The following SLC37A3 variants were observed in gnomAD, a reference collection of about 807,000 sequenced individuals.
SLC37A3 encodes solute carrier family 37 member 3, also known as sugar phosphate exchanger 3.
In SLC37A3, 51 loss-of-function variants were observed where a neutral mutation model predicts 67.1. That is an observed-to-expected ratio of 0.76 (90% confidence interval 0.61 to 0.96). SLC37A3 has a LOEUF of 0.96. SLC37A3 is among the 40% of genes least tolerant of loss of function. SLC37A3 has a pLI of 0.00. For missense variants in SLC37A3, 508 were observed against 603.0 expected, an observed-to-expected ratio of 0.84 and a Z score of 1.65; for synonymous variants, 214 against 231.4, an observed-to-expected ratio of 0.92 and a Z score of 0.68.
chr7:140,365,919 C>CTT lies in SLC37A3; in HGVS notation c.292-1430_292-1429dup, dbSNP rs71170981. Among the ~76,000 whole-genome samples the CTT allele has an allele frequency of 3.3e-3, 145 of 43,898 alleles. 52 individuals carry two copies. The highest frequency in any genetic ancestry group is 6.4e-3 in the Admixed American group (16 of 2,508). 28.8% of individuals were successfully genotyped at this position (43,898 alleles called of 152,430 possible). A position where few individuals can be genotyped will look rare whatever the true frequency, so the allele number is the denominator to read the frequency against. ...GCTTCAGATGACAGAACAATACATG[C>CTT]TTTTTTTTTTTTTTTTTTTTTTTTT... On this transcript the variant is annotated intron_variant, in intron 4 of 14. Transcript: ENST00000326232.
At chr7:140,368,903 G>A (rs770084207) in intron 4 of SLC37A3, among the ~76,000 whole-genome samples, 9 of 151,982 alleles carry the variant, frequency 5.9e-5, no homozygotes, top group Non-Finnish European at 1.0e-4. Context: ...TTACTGTTGC[G>A]CTGGACCCAA....
rs767231362 is a variant in SLC37A3, at chr7:140,380,315, A to C, written c.165T>G (p.Ser55Arg). 6.2e-7 allele frequency: 1 copy of C among 1,613,396 alleles called. No individual in the cohort carries two copies. Among genetic ancestry groups the C allele is most frequent in the East Asian group, 2.2e-5 (1 of 44,884 alleles). ...KVSISEQWTP[S>R]AFNTSVELPV... ...GCAGCTCAACTGACGTGTTAAAAGC[A>C]CTTGGGGTCCACTGCTCAGAGATAC... Residue 55 changes from serine (S) to arginine (R), a missense_variant, in exon 3 of 15, where the codon AGT (serine) becomes AGG (arginine). Coordinates refer to ENST00000326232, the MANE Select transcript of SLC37A3 (RefSeq NM_207113.3).
At chr7:140,358,981 C>T (rs1452079931) in intron 5 of SLC37A3, among the ~76,000 whole-genome samples, 196 bp from the exon 6 acceptor site, 1 of 152,066 alleles carries the variant, frequency 6.6e-6, no homozygotes, top group Non-Finnish European at 1.5e-5. Flanking sequence ...CAATCACTGC[C>T]CACCAGAGAG....
At chr7:140,396,123 G>A (rs1343234899) in intron 1 of SLC37A3, among the ~76,000 whole-genome samples, 3 of 151,654 alleles carry the variant, frequency 2.0e-5, no homozygotes, top group Admixed American at 1.3e-4. Context: ...AGGTTTAAGC[G>A]ATCCTCCTGC....
chr7:140,380,181 A>G (rs887135549), intron 3 of SLC37A3, 101 bp downstream of exon 3: 1 of 592,900 alleles, frequency 1.7e-6, no homozygotes. Context: ...GAGCCATTTC[A>G]GAGTCTAGGC....
intron 7 of SLC37A3, among the ~76,000 whole-genome samples, chr7:140,354,802 G>A (rs1449261903): frequency 6.8e-6 from 1 of 147,630 alleles, no homozygotes; most frequent in African/African-American, 2.5e-5. Context: ...GTGCAGTGGT[G>A]TATCTTGGCT....
chr7:140,360,350 A>C (rs12154606), intron 5 of SLC37A3, among the ~76,000 whole-genome samples: 3,906 of 152,200 alleles, frequency 0.026, 85 homozygotes, highest in Non-Finnish European at 0.039. Context: ...AAAAAATAAT[A>C]ATCATAATAA....
rs765636395 is a variant in SLC37A3, at chr7:140,335,499, A to C, written c.1398T>G (p.Ser466Arg). 8.1e-6 allele frequency: 13 copies of C among 1,613,282 alleles called. No individual in the cohort carries two copies. The highest frequency in any genetic ancestry group is 9.3e-6 in the Non-Finnish European group (11 of 1,179,928). Residue 466 changes from serine to arginine, a missense_variant, in exon 15 of 15, where the codon AGT (serine) becomes AGG (arginine). Transcript: ENST00000326232. The part of the protein sequence containing the change: ...WVFYFFILMT[S>R]CTIVFISPLI... Reference sequence around the variant, plus strand: ...ATGGCGAGATAAACACAATTGTACAACTTGTCTGTAAAGAGAAAATAGTAT... The same window carrying C: ...ATGGCGAGATAAACACAATTGTACACCTTGTCTGTAAAGAGAAAATAGTAT...
At chr7:140,382,393 GA>G in intron 2 of SLC37A3, 44 bp downstream of exon 2, 1 of 1,564,192 alleles carries the variant, frequency 6.4e-7, no homozygotes, top group Non-Finnish European at 8.8e-7. Flanking sequence ...TCCCTCAAAA[GA>G]AAAAAGAAAA....
At chr7:140,351,760 T>C (rs143293664) in intron 8 of SLC37A3, 189 of 560,608 alleles carry the variant, frequency 3.4e-4, no homozygotes, top group Non-Finnish European at 5.3e-4. Context: ...TTTCAAGAAG[T>C]GAAATCAGAA....
Position 140,371,827 on chromosome 7 carries a change from G to GA in SLC37A3, c.199-2146dup, listed in dbSNP as rs577870196. ...TCAACTTTATCTAGGGCCAGCAGTGGAAAAGAGATCTGAGTTAGTTTACAG... is the reference window on the plus strand; with the variant it reads ...TCAACTTTATCTAGGGCCAGCAGTGGAAAAAGAGATCTGAGTTAGTTTACAG... On this transcript the variant is annotated intron_variant, in intron 3 of 14. Transcript: ENST00000326232. Among the ~76,000 whole-genome samples, 64 of 151,998 alleles carry GA rather than the reference G, an allele frequency of 4.2e-4. 1 individual carries two copies. Among genetic ancestry groups the GA allele is most frequent in the African/African-American group, 1.4e-3 (59 of 41,512 alleles).
Position 140,337,276 on chromosome 7 carries a change from A to T in SLC37A3, c.1392+8T>A. 6.3e-7 allele frequency: 1 copy of T among 1,584,520 alleles called. No individual in the cohort carries two copies. Among genetic ancestry groups the T allele is most frequent in the Non-Finnish European group, 8.6e-7 (1 of 1,168,242 alleles). On this transcript the variant is annotated splice_region_variant and intron_variant, in intron 14 of 14. Transcript: ENST00000326232. ...GACTTTTTTTTTTTTAAAGGGGCACACACTTACCATGAGAATGAAAAAGTA... is the reference window on the plus strand; with the variant it reads ...GACTTTTTTTTTTTTAAAGGGGCACTCACTTACCATGAGAATGAAAAAGTA...
chr7:140,363,709 A>AAAAAAAAAAAAAAAAAAT (rs1797470838), intron 5 of SLC37A3, among the ~76,000 whole-genome samples: 1 of 61,564 alleles, frequency 1.6e-5, no homozygotes, highest in Non-Finnish European at 3.8e-5. Context: ...AATAAATAAA[A>AAAAAAAAAAAAAAAAAAT]AAATAAAAAA....
In SLC37A3 at chr7:140,345,218, G is replaced by C. The variant is rs150368136; in HGVS notation, c.1172C>G (p.Thr391Arg). 10 of 1,613,432 alleles carry C rather than the reference G, an allele frequency of 6.2e-6. No homozygotes were observed. Among genetic ancestry groups the C allele is most frequent in the Non-Finnish European group, 8.5e-7 (1 of 1,179,484 alleles). Residue 391 changes from threonine (T) to arginine (R), a missense_variant and splice_region_variant, in exon 12 of 15, where the codon ACA (threonine) becomes AGA (arginine). Transcript: ENST00000326232. Reference protein sequence around the residue: ...KSINALLMTVTGFFIGGPSNM... With the variant: ...KSINALLMTVRGFFIGGPSNM... ...TGGAGCAGAGCCATGTGCCGTACCT[G>C]TAACAGTCATCAGAAGGGCATTGAT... is the stretch of plus-strand genomic sequence containing the variant.
At chr7:140,347,247 C>CAAAAAAAAAA (rs554765652) in intron 10 of SLC37A3, among the ~76,000 whole-genome samples, 2 of 71,658 alleles carry the variant, frequency 2.8e-5, no homozygotes, top group African/African-American at 4.9e-5. Context: ...CCCCCATCTC[C>CAAAAAAAAAA]AAAAAAAAAA....
chr7:140,388,322 A>G (rs1798588294), intron 1 of SLC37A3, among the ~76,000 whole-genome samples: 1 of 151,378 alleles, frequency 6.6e-6, no homozygotes, highest in Admixed American at 6.6e-5. Flanking sequence ...AGTCCCAGCT[A>G]CTCAGGAGGC....
chr7:140,348,555 G>T (rs1012362638), intron 10 of SLC37A3, 71 bp downstream of exon 10: 24 of 1,500,302 alleles, frequency 1.6e-5, no homozygotes, highest in Non-Finnish European at 1.9e-5. Context: ...AATGAGGCCA[G>T]ATTTCACAAC....
chr7:140,358,879 G>A (rs1797147073), intron 5 of SLC37A3, 94 bp from the exon 6 acceptor site: 7 of 1,465,232 alleles, frequency 4.8e-6, no homozygotes, highest in South Asian at 1.2e-5. Context: ...TAGAGACCAC[G>A]TGAAGGATAC....
At position 140,339,521 on chromosome 7, in the gene SLC37A3, A is replaced by C. The variant is rs1200294050; in HGVS notation, c.1327-2172T>G. On this transcript the variant is annotated intron_variant, in intron 13 of 14. Coordinates refer to ENST00000326232, the MANE Select transcript of SLC37A3 (RefSeq NM_207113.3). ...AGTGATCTGCCCACCTCGGTCTCCC[A>C]AAGTGCTGGGATAACAGGCATGAGC... is the stretch of plus-strand genomic sequence containing the variant. 2.0e-5 allele frequency among the ~76,000 whole-genome samples: 3 copies of C among 152,242 alleles called. No individual in the cohort carries two copies. In the East Asian group the frequency reaches 5.8e-4, roughly 29 times the overall value.
Sources: gnomAD v4.1 joint callset for allele counts (sites outside exome capture counted in the v4.1 genomes callset) on GRCh38, gnomAD v4.1.1 for gene constraint, MANE v1.5 for transcripts, NCBI Gene and HGNC (gene_info 2026-07-23, HGNC 2026-07-21) for gene names.